VPS13B: variants seen among roughly 807,000 people sequenced by gnomAD.
The protein encoded by VPS13B is intermembrane lipid transfer protein VPS13B.
VPS13B carries 285 observed loss-of-function variants against 426.4 expected under a neutral mutation model. That is an observed-to-expected ratio of 0.67 (90% CI 0.61 to 0.74). The LOEUF (loss-of-function observed/expected upper bound fraction) is 0.74, where lower values mean the gene tolerates loss of function less well. Ranked by LOEUF, VPS13B falls within the 30% of genes least tolerant of loss-of-function variation. The pLI, the probability that VPS13B is intolerant of heterozygous loss-of-function variation, is 0.00. For missense variants in VPS13B, 4,537 were observed against 4,782.6 expected (o/e 0.95, Z 1.51); for synonymous variants, 1,676 against 1,676.4 (o/e 1.00, Z 0.01).
chr8:99,787,781 T>C (rs929878768), intron 43 of VPS13B, among the ~76,000 whole-genome samples: 4 of 152,180 alleles, frequency 2.6e-5, no homozygotes, highest in Non-Finnish European at 5.9e-5. Flanking sequence ...AACTTCCTTT[T>C]CTAGTTAATA....
chr8:99,672,418 AG>A (rs1830753806), intron 35 of VPS13B, among the ~76,000 whole-genome samples: 1 of 152,104 alleles, frequency 6.6e-6, no homozygotes, highest in Admixed American at 6.6e-5. Flanking sequence ...TTCTTCAGAT[AG>A]CTCTCTGTTA....
At chr8:99,203,808 T>G (rs1264768687) in intron 17 of VPS13B, among the ~76,000 whole-genome samples, 1 of 152,156 alleles carries the variant, frequency 6.6e-6, no homozygotes, top group Non-Finnish European at 1.5e-5. Context: ...ACAAGGGATG[T>G]GAAGGACCTC....
chr8:99,163,517 C>T (rs1811800944), intron 15 of VPS13B, among the ~76,000 whole-genome samples: 1 of 152,218 alleles, frequency 6.6e-6, no homozygotes, highest in Admixed American at 6.5e-5. Context: ...TCAGGCATGG[C>T]AGGCTGCAGG....
chr8:99,862,793 G>A (rs975162237), intron 58 of VPS13B, among the ~76,000 whole-genome samples: 34 of 152,284 alleles, frequency 2.2e-4, no homozygotes, highest in African/African-American at 8.2e-4. Flanking sequence ...ATTGGCAACT[G>A]CAGCTAGCTG....
chr8:99,338,978 T>A (rs1421188602), intron 19 of VPS13B, among the ~76,000 whole-genome samples: 3 of 152,192 alleles, frequency 2.0e-5, no homozygotes, highest in Non-Finnish European at 4.4e-5. Flanking sequence ...GTCAATTTTT[T>A]AATTTCCTCA....
intron 19 of VPS13B, among the ~76,000 whole-genome samples, chr8:99,331,948 G>C (rs1229779799): frequency 6.6e-6 from 1 of 151,720 alleles, no homozygotes; most frequent in African/African-American, 2.4e-5. Flanking sequence ...ACACAGTACA[G>C]CATAAATTCT....
chr8:99,151,342 T>C (rs1399897275), intron 14 of VPS13B, among the ~76,000 whole-genome samples: 1 of 152,202 alleles, frequency 6.6e-6, no homozygotes, highest in Non-Finnish European at 1.5e-5. Context: ...TTAATTTTCC[T>C]GTATTTTGCA....
intron 3 of VPS13B, among the ~76,000 whole-genome samples, chr8:99,050,686 C>A (rs1312525337): frequency 6.6e-6 from 1 of 152,194 alleles, no homozygotes; most frequent in Non-Finnish European, 1.5e-5. Flanking sequence ...CACATCCTCT[C>A]CAGCACCTGT....
At chr8:99,202,524 A>T (rs1318941604) in intron 17 of VPS13B, among the ~76,000 whole-genome samples, 2 of 152,210 alleles carry the variant, frequency 1.3e-5, no homozygotes, top group South Asian at 4.1e-4. Flanking sequence ...AATAGACCCA[A>T]TAACAATTTC....
intron 16 of VPS13B, among the ~76,000 whole-genome samples, chr8:99,187,351 C>T (rs1289275424): frequency 6.6e-6 from 1 of 152,032 alleles, no homozygotes; most frequent in Non-Finnish European, 1.5e-5. Flanking sequence ...TAAAAATATT[C>T]TAAATGTTGG....
intron 43 of VPS13B, among the ~76,000 whole-genome samples, chr8:99,805,031 T>G (rs1167197613): frequency 6.6e-6 from 1 of 150,822 alleles, no homozygotes; most frequent in Non-Finnish European, 1.5e-5. Flanking sequence ...TGCCTAAGTT[T>G]TGATATATAA....
intron 39 of VPS13B, among the ~76,000 whole-genome samples, chr8:99,749,138 T>A (rs1366344538): frequency 6.6e-6 from 1 of 152,022 alleles, no homozygotes; most frequent in Non-Finnish European, 1.5e-5. Context: ...ATTTATGAGG[T>A]AAATGAGATA....
intron 16 of VPS13B, among the ~76,000 whole-genome samples, chr8:99,180,573 G>A (rs1391791285): frequency 2.0e-5 from 3 of 152,142 alleles, no homozygotes; most frequent in South Asian, 4.1e-4. Context: ...AAATGGTCAG[G>A]GAAGTTCTCT....
intron 25 of VPS13B, among the ~76,000 whole-genome samples, chr8:99,500,816 G>T (rs1821190092): frequency 6.6e-6 from 1 of 152,148 alleles, no homozygotes; most frequent in African/African-American, 2.4e-5. Context: ...ATCAATGATT[G>T]CAGCATCTCT....
At position 99,059,818 on chromosome 8, in the gene VPS13B, C is replaced by T. The variant is rs184749760; in HGVS notation, c.291+21252C>T. Among the ~76,000 whole-genome samples, 469 of 150,822 alleles carry T rather than the reference C, an allele frequency of 3.1e-3. 1 individual carries two copies. Among genetic ancestry groups the T allele is most frequent in the African/African-American group, 0.01 (411 of 41,004 alleles). On this transcript the variant is annotated intron_variant, in intron 3 of 61. Transcript: ENST00000357162. ...TGTGATCTTGGCTCACCACAACCTC[C>T]ACCTCCCAGGTTCAAGCAATTCTCC...
At chr8:99,137,209 TC>T in intron 12 of VPS13B, among the ~76,000 whole-genome samples, 1 of 151,976 alleles carries the variant, frequency 6.6e-6, no homozygotes, top group East Asian at 1.9e-4. Flanking sequence ...TGTATTATTT[TC>T]TATTTTTTGG....
At chr8:99,366,568 T>C (rs1410665028) in intron 19 of VPS13B, among the ~76,000 whole-genome samples, 1 of 151,688 alleles carries the variant, frequency 6.6e-6, no homozygotes, top group Non-Finnish European at 1.5e-5. Context: ...TCTATGTCTT[T>C]TGATTGGACA....
intron 51 of VPS13B, among the ~76,000 whole-genome samples, chr8:99,824,576 A>C (rs923215348): frequency 4.0e-5 from 6 of 151,754 alleles, no homozygotes; most frequent in Non-Finnish European, 8.8e-5. Context: ...TCTCTCCATT[A>C]CATCTTAGAT....
intron 37 of VPS13B, among the ~76,000 whole-genome samples, chr8:99,718,186 C>A (rs950941113): frequency 6.6e-6 from 1 of 151,886 alleles, no homozygotes; most frequent in Non-Finnish European, 1.5e-5. Flanking sequence ...CTCAAGTGAT[C>A]CTCTTGCATC....
Sources: allele counts gnomAD v4.1 joint callset (sites outside exome capture counted in the v4.1 genomes callset), GRCh38; gene constraint gnomAD v4.1.1; transcripts MANE v1.5; gene names NCBI Gene and HGNC (gene_info 2026-07-23, HGNC 2026-07-21).